Variants in ROPN1L observed in about 807,000 individuals in gnomAD.
ROPN1L encodes ropporin-1-like protein.
Under a neutral mutation model 22.7 loss-of-function variants are expected in ROPN1L, and 23 were observed. The observed-to-expected ratio is 1.01, with a 90% CI of 0.73 to 1.43. The LOEUF (loss-of-function observed/expected upper bound fraction) is 1.43. Ranked by LOEUF, ROPN1L falls within the 40% of genes most tolerant of loss-of-function variation. ROPN1L has a pLI of 0.00. For missense variants in ROPN1L, 271 were observed against 291.5 expected (o/e 0.93, Z 0.51); for synonymous variants, 116 against 117.8 (o/e 0.98, Z 0.10).
intron 1 of ROPN1L, among the ~76,000 whole-genome samples, chr5:10,444,989 T>G (rs748989008): frequency 3.3e-5 from 5 of 152,192 alleles, no homozygotes; most frequent in Non-Finnish European, 5.9e-5. Flanking sequence ...ATTTATTTAT[T>G]TTTTAGATAG....
the ROPN1L span, among the ~76,000 whole-genome samples, chr5:10,480,596 G>A: frequency 1.3e-4 from 20 of 152,232 alleles, no homozygotes; most frequent in East Asian, 1.9e-4. Flanking sequence ...CATCCTCCAG[G>A]CATGCCAGCG....
rs146653421 is a variant in ROPN1L at position 10,460,086 on chromosome 5, G to T, written c.418-1098G>T. On this transcript the variant is annotated intron_variant, in intron 3 of 4. Transcript: ENST00000274134. Reference sequence around the variant, plus strand: ...GACTCGAGGTGGGGACTGAGGGGAGGGTCCCATAGGCCAGCTGCGGAATTA... The same window carrying T: ...GACTCGAGGTGGGGACTGAGGGGAGTGTCCCATAGGCCAGCTGCGGAATTA... 2.6e-3 allele frequency among the ~76,000 whole-genome samples: 389 copies of T among 152,278 alleles called. 2 individuals carry two copies. Among genetic ancestry groups the T allele is most frequent in the African/African-American group, 9.1e-3 (378 of 41,558 alleles).
At chr5:10,446,660 CA>C (rs10650382) in intron 1 of ROPN1L, among the ~76,000 whole-genome samples, 4 of 142,214 alleles carry the variant, frequency 2.8e-5, no homozygotes, top group African/African-American at 7.8e-5. Context: ...GACTCTATCT[CA>C]AAAAAAAAAA....
chr5:10,472,775 C>G (rs971099836), downstream of ROPN1L, among the ~76,000 whole-genome samples: 2 of 152,188 alleles, frequency 1.3e-5, no homozygotes, highest in Non-Finnish European at 2.9e-5. Context: ...ATTTACTCTT[C>G]ATAACCATGT....
intron 4 of ROPN1L, among the ~76,000 whole-genome samples, chr5:10,471,164 G>A (rs970387400): frequency 3.3e-5 from 5 of 152,066 alleles, no homozygotes; most frequent in African/African-American, 1.2e-4. Context: ...TTGAGATGAA[G>A]TCTCACTCCA....
At chr5:10,468,937 C>T (rs1334069659), downstream of ROPN1L, among the ~76,000 whole-genome samples, 1 of 151,762 alleles carries the variant, frequency 6.6e-6, no homozygotes, top group African/African-American at 2.4e-5. Flanking sequence ...GGGTGGATTA[C>T]GAGGTCAGGA....
chr5:10,446,904 A>G (rs1447311063), intron 1 of ROPN1L, among the ~76,000 whole-genome samples: 2 of 152,238 alleles, frequency 1.3e-5, no homozygotes, highest in Non-Finnish European at 2.9e-5. Flanking sequence ...TTAGGTCTTT[A>G]GGTTCACATT....
chr5:10,469,024 A>G (rs374682032), downstream of ROPN1L, among the ~76,000 whole-genome samples: 60 of 152,236 alleles, frequency 3.9e-4, no homozygotes, highest in South Asian at 1.0e-3. Flanking sequence ...GCGTGGTGGC[A>G]GGCGCCTGTA....
intron 1 of ROPN1L, among the ~76,000 whole-genome samples, chr5:10,445,124 C>T (rs1443281656): frequency 1.3e-5 from 2 of 152,046 alleles, no homozygotes; most frequent in African/African-American, 4.8e-5. Flanking sequence ...GTGCGTGCCA[C>T]CACGCCCAGC....
intron 2 of ROPN1L, 132 bp from the exon 3 acceptor site, chr5:10,449,820 C>T (rs897655743): frequency 5.2e-5 from 35 of 677,224 alleles, no homozygotes; most frequent in Middle Eastern, 2.7e-4. Context: ...ACAGAACCCC[C>T]TGTCATGCAT....
chr5:10,452,503 A>AT (rs1741291578), intron 3 of ROPN1L, among the ~76,000 whole-genome samples: 1 of 149,714 alleles, frequency 6.7e-6, no homozygotes, highest in Admixed American at 6.7e-5. Flanking sequence ...CGCCTGGCTA[A>AT]TTTTTTGTAT....
At chr5:10,448,467 C>A in intron 2 of ROPN1L, 84 bp downstream of exon 2, 1 of 1,516,006 alleles carries the variant, frequency 6.6e-7, no homozygotes, top group South Asian at 1.2e-5. Flanking sequence ...CAGAGCGGGG[C>A]ACACCCCAGC....
intron 3 of ROPN1L, among the ~76,000 whole-genome samples, chr5:10,454,554 G>A (rs1351178717): frequency 6.6e-6 from 1 of 151,890 alleles, no homozygotes; most frequent in African/African-American, 2.4e-5. Context: ...TGTGAACCAA[G>A]TCTTTCATCC....
chr5:10,471,051 C>T (rs1257894916), intron 4 of ROPN1L, among the ~76,000 whole-genome samples: 15 of 152,222 alleles, frequency 9.9e-5, no homozygotes, highest in Non-Finnish European at 1.5e-5. Flanking sequence ...CCTTGGAGCC[C>T]AACTCCAAAG....
chr5:10,471,992 C>A (rs114909323), exon 5 of ROPN1L: 1 of 152,420 alleles, frequency 6.6e-6, no homozygotes, highest in African/African-American at 2.4e-5. Context: ...GTCCAGCACA[C>A]GGCCATTCGA....
downstream of ROPN1L, among the ~76,000 whole-genome samples, chr5:10,467,015 C>T (rs1335669604): frequency 5.3e-5 from 8 of 152,108 alleles, no homozygotes; most frequent in Non-Finnish European, 8.8e-5. Flanking sequence ...TTTTAGGGCC[C>T]ATGCTAATGA....
At chr5:10,461,113 G>C (rs1735014946) in intron 3 of ROPN1L, 71 bp from the exon 4 acceptor site, 2 of 1,414,422 alleles carry the variant, frequency 1.4e-6, no homozygotes, top group African/African-American at 2.8e-5. Context: ...TGATTCTGCT[G>C]ATGCCTGCTT....
intron 3 of ROPN1L, among the ~76,000 whole-genome samples, chr5:10,457,779 G>C (rs891603254): frequency 6.6e-6 from 1 of 152,120 alleles, no homozygotes; most frequent in Non-Finnish European, 1.5e-5. Context: ...GGCTTGCAGC[G>C]GCCCTTTCCC....
At chr5:10,479,113 G>A in the ROPN1L span, among the ~76,000 whole-genome samples, 2 of 151,624 alleles carry the variant, frequency 1.3e-5, no homozygotes, top group African/African-American at 2.4e-5. Flanking sequence ...GGTAACGTGT[G>A]TGAGTAGGTT....
Sources: allele counts gnomAD v4.1 joint callset (sites outside exome capture counted in the v4.1 genomes callset), GRCh38; gene constraint gnomAD v4.1.1; transcripts MANE v1.5; gene names NCBI Gene and HGNC (gene_info 2026-07-23, HGNC 2026-07-21).